PLA2G4E: variants seen among roughly 807,000 people sequenced by gnomAD.
PLA2G4E encodes cytosolic phospholipase A2 epsilon.
In PLA2G4E, 84 loss-of-function variants were observed where a neutral mutation model predicts 109.1. The ratio of observed to expected loss-of-function variants is 0.77; its 90% CI spans 0.65 to 0.92. The LOEUF (loss-of-function observed/expected upper bound fraction) is 0.92. Among genes scored for constraint, PLA2G4E ranks in the 40% least tolerant of loss-of-function variants. PLA2G4E has a pLI of 0.00. For synonymous variants in PLA2G4E, 469 were observed against 436.1 expected, an observed-to-expected ratio of 1.08 and a Z score of -0.94; for missense variants, 1,057 against 1,076.6, an observed-to-expected ratio of 0.98 and a Z score of 0.25.
At chr15:42,038,757 T>G (rs1256142780) in intron 1 of PLA2G4E, among the ~76,000 whole-genome samples, 1 of 152,240 alleles carries the variant, frequency 6.6e-6, no homozygotes, top group Admixed American at 6.5e-5. Flanking sequence ...CTGTGCACTT[T>G]CTTGTACATG....
chr15:42,019,566 C>T (rs1456801556), intron 1 of PLA2G4E, among the ~76,000 whole-genome samples: 1 of 152,190 alleles, frequency 6.6e-6, no homozygotes, highest in Non-Finnish European at 1.5e-5. Context: ...CCTCCTCCTC[C>T]CTAGAGAGCT....
At chr15:41,989,521 G>A (rs1668579) in exon 15 of PLA2G4E, 477,106 of 1,613,118 alleles carry the variant, frequency 0.3, 77,754 homozygotes, top group African/African-American at 0.6. Context: ...ACTTCTGCAG[G>A]CCCACCTCGT....
intron 5 of PLA2G4E, among the ~76,000 whole-genome samples, chr15:42,004,194 C>T (rs933795057): frequency 2.0e-5 from 3 of 151,886 alleles, no homozygotes; most frequent in African/African-American, 7.3e-5. Flanking sequence ...CACAGTTACT[C>T]GGGAGGCTGA....
chr15:42,027,559 C>G (rs537662552), intron 1 of PLA2G4E, among the ~76,000 whole-genome samples: 24 of 152,238 alleles, frequency 1.6e-4, no homozygotes, highest in Non-Finnish European at 3.1e-4. Context: ...ATAAGCCACT[C>G]TCTACAGAAG....
intron 18 of PLA2G4E, 40 bp downstream of exon 18, chr15:41,985,799 A>T (rs2068130318): frequency 6.3e-7 from 1 of 1,579,810 alleles, no homozygotes; most frequent in Admixed American, 1.8e-5. Context: ...ATCTTAGGAG[A>T]GGCTGCAGCC....
Position 42,002,594 on chromosome 15 carries a change from C to G in PLA2G4E, c.609+60G>C, listed in dbSNP as rs1243498582. 2.7e-6 allele frequency: 4 copies of G among 1,499,234 alleles called. No individual in the cohort carries two copies. The African/African-American group carries it at 4.2e-5, about 16-fold the overall frequency. 92.9% of individuals were successfully genotyped at this position (1,499,234 alleles called of 1,614,324 possible). A position where few individuals can be genotyped will look rare whatever the true frequency, so the allele number is the denominator to read the frequency against. On this transcript the variant is annotated intron_variant, in intron 6 of 19. Coordinates refer to ENST00000399518, the Ensembl canonical transcript of PLA2G4E. ...ACTGTTTTCTCCCTTGGTCCTGTTC[C>G]CCTGAGAGCAGCAGCCAGCCGTGGC...
intron 2 of PLA2G4E, among the ~76,000 whole-genome samples, chr15:42,011,588 G>T (rs944339417): frequency 1.3e-5 from 2 of 152,072 alleles, no homozygotes; most frequent in African/African-American, 4.8e-5. Flanking sequence ...AAGTTAGCCA[G>T]GTGTGGTGGC....
chr15:42,005,458 GC>G (rs2068465580), intron 4 of PLA2G4E, among the ~76,000 whole-genome samples: 3 of 152,250 alleles, frequency 2.0e-5, no homozygotes, highest in Non-Finnish European at 2.9e-5. Context: ...GGGCAGGGAT[GC>G]TAGTTCCCAA....
chr15:41,992,643 C>T (rs1294480819), intron 13 of PLA2G4E, 94 bp downstream of exon 13: 4 of 1,229,902 alleles, frequency 3.3e-6, no homozygotes, highest in African/African-American at 1.5e-5. Context: ...ACCTAATCCC[C>T]TGTGTGCAAT....
intron 1 of PLA2G4E, among the ~76,000 whole-genome samples, chr15:42,037,009 G>A (rs1889229180): frequency 6.6e-6 from 1 of 152,248 alleles, no homozygotes; most frequent in South Asian, 2.1e-4. Flanking sequence ...ACATATTTGG[G>A]GCAGTGCTGG....
chr15:42,028,159 C>T (rs1000225588), intron 1 of PLA2G4E, among the ~76,000 whole-genome samples: 1 of 152,182 alleles, frequency 6.6e-6, no homozygotes, highest in Non-Finnish European at 1.5e-5. Context: ...AGGGACTGGT[C>T]TAAGTATTTT....
rs764129380 is a variant in PLA2G4E at position 41,989,583 on chromosome 15, T to C, written c.1586-31A>G. The C allele has an allele frequency of 3.1e-6, 5 of 1,601,298 alleles. No homozygotes were observed. The East Asian group carries it at 6.8e-5, about 22-fold the overall frequency. On this transcript the variant is annotated intron_variant, in intron 14 of 19. Coordinates refer to ENST00000399518, the Ensembl canonical transcript of PLA2G4E. Reference sequence around the variant, plus strand: ...CATGAAGCAGCAGGACGGGGGTCAGTCTCAGGCCAGGGAGCCGTCCACACA... The same window carrying C: ...CATGAAGCAGCAGGACGGGGGTCAGCCTCAGGCCAGGGAGCCGTCCACACA...
chr15:42,036,394 G>A (rs7181387), intron 1 of PLA2G4E, among the ~76,000 whole-genome samples: 5,888 of 152,310 alleles, frequency 0.039, 398 homozygotes, highest in African/African-American at 0.13. Context: ...AGGGGGAACT[G>A]GGGATGCGCT....
chr15:42,015,627 T>G (rs1622221), intron 1 of PLA2G4E, among the ~76,000 whole-genome samples: 112,465 of 152,134 alleles, frequency 0.74, 42,489 homozygotes, highest in Non-Finnish European at 0.82. Flanking sequence ...GGGTGAATAC[T>G]AGGCAGAGAC....
chr15:41,988,127 G>C, exon 16 of PLA2G4E: 1 of 1,603,750 alleles, frequency 6.2e-7, no homozygotes, highest in Non-Finnish European at 8.5e-7. Context: ...GCATCCAGCA[G>C]GTTCAGGGAG....
In PLA2G4E at chr15:41,995,500, G is replaced by A; in HGVS notation, c.1111-4C>T. ...CCATGATGGCTATCAGCGGCACCTG[G>A]GGTTACACAGAGGCAGGCGGTTGGG... On this transcript the variant is annotated splice_polypyrimidine_tract_variant and splice_region_variant and intron_variant, in intron 11 of 19. Transcript: ENST00000399518. 1 of 1,612,344 alleles carries A rather than the reference G, an allele frequency of 6.2e-7. No homozygotes were observed. Among genetic ancestry groups the A allele is most frequent in the Non-Finnish European group, 8.5e-7 (1 of 1,178,580 alleles).
chr15:41,999,186 C>G (rs1287744248), intron 10 of PLA2G4E: 1 of 201,140 alleles, frequency 5.0e-6, no homozygotes, highest in Non-Finnish European at 1.0e-5. Context: ...AAGTAAAGTC[C>G]TTTGTGCTTC....
chr15:41,984,579 A>ATG lies in PLA2G4E; in HGVS notation c.2241_2242dup (p.Ile748ThrfsTer21). ...TGGCAGCTCGTATTTGGGGAAGGGG[A>ATG]TGTTCTGCACAGTGCAGTACTCACA... On this transcript the variant is annotated frameshift_variant, in exon 19 of 20. Transcript: ENST00000399518. LOFTEE classifies it high-confidence loss of function. 1 of 1,613,804 alleles carries ATG rather than the reference A, an allele frequency of 6.2e-7. No homozygotes were observed. The highest frequency in any genetic ancestry group is 8.5e-7 in the Non-Finnish European group (1 of 1,179,814).
chr15:41,985,921 G>C, exon 18 of PLA2G4E: 1 of 1,608,356 alleles, frequency 6.2e-7, no homozygotes, highest in Non-Finnish European at 8.5e-7. Context: ...CGGGTAGCTG[G>C]AGTTGACAAA....
Sources: gnomAD v4.1 joint callset for allele counts (sites outside exome capture counted in the v4.1 genomes callset) on GRCh38, gnomAD v4.1.1 for gene constraint, MANE v1.5 for transcripts, NCBI Gene and HGNC (gene_info 2026-07-23, HGNC 2026-07-21) for gene names.